The following AVEN variants were observed in gnomAD, a reference collection of about 807,000 sequenced individuals.
AVEN encodes cell death regulator Aven.
In AVEN, 41 loss-of-function variants were observed where a neutral mutation model predicts 38.1. That is an observed-to-expected ratio of 1.08 (90% CI 0.84 to 1.40). AVEN has a LOEUF of 1.40. AVEN is among the 40% of genes most tolerant of loss of function. The probability of loss-of-function intolerance (pLI) is 0.00; values close to 1 mark genes in which losing one functional copy is unlikely to be tolerated. For synonymous variants in AVEN, 206 were observed against 171.8 expected, an observed-to-expected ratio of 1.20 and a Z score of -1.56; for missense variants, 605 against 438.8, an observed-to-expected ratio of 1.38 and a Z score of -3.38.
chr15:33,924,286 T>C (rs475581), intron 2 of AVEN, among the ~76,000 whole-genome samples: 104,748 of 151,142 alleles, frequency 0.69, 36,640 homozygotes, highest in East Asian at 0.81. Flanking sequence ...ACAAGAATCA[T>C]TTGAACCCCG....
rs192446428 is a variant in AVEN, at chr15:33,907,108, C to T, written c.446-31113G>A. Among the ~76,000 whole-genome samples the T allele has an allele frequency of 9.7e-3, 1,477 of 152,204 alleles. 27 individuals carry two copies. Among genetic ancestry groups the T allele is most frequent in the African/African-American group, 0.034 (1,409 of 41,522 alleles). On this transcript the variant is annotated intron_variant, in intron 2 of 5. Coordinates refer to ENST00000306730, the MANE Select transcript of AVEN (RefSeq NM_020371.3). ...GAAAAATAATTATAGACTTGGAATGCCTCCTCATACTAGCATCTGGACCAC... is the reference window on the plus strand; with the variant it reads ...GAAAAATAATTATAGACTTGGAATGTCTCCTCATACTAGCATCTGGACCAC...
chr15:33,944,507 A>C (rs536694624), intron 2 of AVEN, among the ~76,000 whole-genome samples: 1 of 152,204 alleles, frequency 6.6e-6, no homozygotes, highest in Admixed American at 6.5e-5. Context: ...AATCAACATA[A>C]ATTTTTTTAA....
At chr15:33,913,271 T>C (rs1389863190) in intron 2 of AVEN, among the ~76,000 whole-genome samples, 1 of 152,232 alleles carries the variant, frequency 6.6e-6, no homozygotes, top group Non-Finnish European at 1.5e-5. Context: ...CATGCCTACG[T>C]TCAAACAAGG....
chr15:33,854,472 C>T (rs752861083), downstream of AVEN: 6 of 1,543,426 alleles, frequency 3.9e-6, no homozygotes, highest in East Asian at 1.2e-4. Flanking sequence ...CCTGGAAAAA[C>T]AAAATTCTAT....
At chr15:34,071,440 AT>A (rs532168770) in intron 1 of AVEN, among the ~76,000 whole-genome samples, 6 of 151,332 alleles carry the variant, frequency 4.0e-5, no homozygotes, top group South Asian at 2.1e-4. Flanking sequence ...TATCAAGCTA[AT>A]TTTTTTTTAT....
intron 2 of AVEN, chr15:33,990,780 C>T (rs1896688555): frequency 6.6e-6 from 1 of 152,098 alleles, no homozygotes; most frequent in African/African-American, 2.4e-5. Flanking sequence ...TTTAATTTGC[C>T]GTAAGACGAA....
At chr15:33,929,695 C>A (rs1226653899) in intron 2 of AVEN, among the ~76,000 whole-genome samples, 1 of 152,188 alleles carries the variant, frequency 6.6e-6, no homozygotes, top group Non-Finnish European at 1.5e-5. Context: ...ACTAATTATT[C>A]TTTACTACCC....
At chr15:33,932,898 A>G (rs1235107457) in intron 2 of AVEN, among the ~76,000 whole-genome samples, 3 of 152,128 alleles carry the variant, frequency 2.0e-5, no homozygotes, top group Admixed American at 1.3e-4. Flanking sequence ...GTGGTTTGTT[A>G]AATCAATATA....
downstream of AVEN, chr15:33,854,766 T>A: frequency 6.2e-7 from 1 of 1,601,044 alleles, no homozygotes; most frequent in Non-Finnish European, 8.5e-7. Context: ...CCATTCCCAG[T>A]CCTTTCTCTA....
intron 2 of AVEN, among the ~76,000 whole-genome samples, chr15:33,925,698 G>C (rs549157366): frequency 6.6e-6 from 1 of 152,266 alleles, no homozygotes; most frequent in African/African-American, 2.4e-5. Flanking sequence ...TATCCAACAA[G>C]GTACCACAGT....
At chr15:33,992,756 A>T (rs1009600353) in intron 2 of AVEN, among the ~76,000 whole-genome samples, 9 of 152,258 alleles carry the variant, frequency 5.9e-5, no homozygotes, top group Admixed American at 1.3e-4. Context: ...TTAAAAGTAC[A>T]GGCTGCTAGA....
chr15:33,943,619 T>C (rs1894400042), intron 2 of AVEN, among the ~76,000 whole-genome samples: 1 of 152,086 alleles, frequency 6.6e-6, no homozygotes, highest in Non-Finnish European at 1.5e-5. Flanking sequence ...GTGGATCACT[T>C]GAGGTCAGGA....
chr15:33,858,326 TCCCTAGTAGCTGGGATTACAGGCATGCAC>T, downstream of AVEN: 1 of 175,044 alleles, frequency 5.7e-6, no homozygotes, highest in Non-Finnish European at 1.2e-5. Flanking sequence ...TGCCTCAGCC[TCCCTAGTAGCTGGGATTACAGGCATGCAC>T]CACCACACCT....
At chr15:33,890,248 G>A (rs144162139) in intron 2 of AVEN, among the ~76,000 whole-genome samples, 4 of 152,284 alleles carry the variant, frequency 2.6e-5, no homozygotes, top group Admixed American at 6.5e-5. Flanking sequence ...AAGCCAACAT[G>A]ATTTCTGCAA....
chr15:33,913,696 T>C (rs1893007663), intron 2 of AVEN, among the ~76,000 whole-genome samples: 1 of 152,170 alleles, frequency 6.6e-6, no homozygotes, highest in African/African-American at 2.4e-5. Context: ...AATCAAATGA[T>C]AAAGAATATA....
chr15:33,944,500 C>A (rs184637354), intron 2 of AVEN, among the ~76,000 whole-genome samples: 7 of 152,156 alleles, frequency 4.6e-5, no homozygotes, highest in Admixed American at 3.3e-4. Context: ...GAATGGAAAT[C>A]AACATAAATT....
At chr15:33,858,046 T>TTAAAG, downstream of AVEN, 1 of 1,194,386 alleles carries the variant, frequency 8.4e-7, no homozygotes, top group South Asian at 1.5e-5. Context: ...ACAGCAGAGA[T>TTAAAG]TAAAGTAGAA....
intron 2 of AVEN, among the ~76,000 whole-genome samples, chr15:33,918,329 A>G (rs560170564): frequency 5.3e-5 from 8 of 152,212 alleles, no homozygotes; most frequent in Non-Finnish European, 1.0e-4. Flanking sequence ...TTTAAAATCA[A>G]ACTAATAATA....
chr15:33,870,640 A>G (rs1442606058), intron 4 of AVEN, among the ~76,000 whole-genome samples: 2 of 152,220 alleles, frequency 1.3e-5, no homozygotes, highest in African/African-American at 4.8e-5. Flanking sequence ...CCTAGTGCCG[A>G]ACATAGAGCG....
Sources: allele counts gnomAD v4.1 joint callset (sites outside exome capture counted in the v4.1 genomes callset), GRCh38; gene constraint gnomAD v4.1.1; transcripts MANE v1.5; gene names NCBI Gene and HGNC (gene_info 2026-07-23, HGNC 2026-07-21).